Variants in COLEC11 observed in about 807,000 individuals in gnomAD.
COLEC11 encodes the protein collectin-11.
COLEC11 carries 20 observed loss-of-function variants against 27.3 expected under a neutral mutation model. The observed-to-expected ratio is 0.73, with a 90% CI of 0.51 to 1.06. COLEC11 has a LOEUF of 1.06. COLEC11 is among the 50% of genes least tolerant of loss of function. COLEC11 has a pLI of 0.00. For synonymous variants in COLEC11, 163 were observed against 154.7 expected (o/e 1.05, Z -0.40); for missense variants, 310 against 383.0 (o/e 0.81, Z 1.59).
chr2:3,604,515 G>A, intron 2 of COLEC11, 45 bp downstream of exon 2: 1 of 1,606,626 alleles, frequency 6.2e-7, no homozygotes, highest in Non-Finnish European at 8.5e-7. Flanking sequence ...TGGCCTCCGG[G>A]CCAGCTGAGA....
At chr2:3,619,155 C>T (rs1663996565) in intron 3 of COLEC11, among the ~76,000 whole-genome samples, 1 of 152,032 alleles carries the variant, frequency 6.6e-6, no homozygotes, top group Non-Finnish European at 1.5e-5. Context: ...GGATCCCTCC[C>T]TCCTTCTTTC....
intron 3 of COLEC11, among the ~76,000 whole-genome samples, chr2:3,636,231 T>C (rs1213342056): frequency 1.3e-5 from 2 of 152,186 alleles, no homozygotes; most frequent in Admixed American, 6.5e-5. Context: ...CCGAGGTGGA[T>C]GGATCACGCA....
At chr2:3,606,532 GC>G (rs1662715216) in intron 2 of COLEC11, among the ~76,000 whole-genome samples, 1 of 152,202 alleles carries the variant, frequency 6.6e-6, no homozygotes, top group East Asian at 1.9e-4. Flanking sequence ...CCAGCTTGGG[GC>G]TCTGTGGGGA....
chr2:3,610,819 T>G (rs1424802602), intron 2 of COLEC11, among the ~76,000 whole-genome samples: 1 of 152,238 alleles, frequency 6.6e-6, no homozygotes, highest in African/African-American at 2.4e-5. Flanking sequence ...ATGGCTCCTT[T>G]GTTGAGGTTA....
rs761561026 is a variant in COLEC11, at chr2:3,637,516, C to T, written c.203-17C>T. The T allele has an allele frequency of 6.2e-7, 1 of 1,613,068 alleles. No individual in the cohort carries two copies. The highest frequency in any genetic ancestry group is 8.5e-7 in the Non-Finnish European group (1 of 1,179,060). On this transcript the variant is annotated splice_polypyrimidine_tract_variant and intron_variant, in intron 3 of 6. Transcript: ENST00000349077. ...CACCTGTGCATCGACCAACTTTGCT[C>T]TTATTGTTTTCTACAGGAGACATGG...
intron 3 of COLEC11, among the ~76,000 whole-genome samples, chr2:3,631,481 TGCCCAGTGCTTG>T (rs1471981834): frequency 6.6e-6 from 1 of 152,116 alleles, no homozygotes; most frequent in African/African-American, 2.4e-5. Flanking sequence ...GGCCCAGCTG[TGCCCAGTGCTTG>T]GCCCTTCCCC....
chr2:3,603,561 C>A, intron 1 of COLEC11: 1 of 1,286,664 alleles, frequency 7.8e-7, no homozygotes, highest in Non-Finnish European at 1.1e-6. Context: ...AGGTGATCTG[C>A]CCACCTCAGC....
At chr2:3,639,237 C>T (rs934560642) in intron 4 of COLEC11, among the ~76,000 whole-genome samples, 1 of 152,212 alleles carries the variant, frequency 6.6e-6, no homozygotes, top group Non-Finnish European at 1.5e-5. Flanking sequence ...CCACCTGTTG[C>T]CTTTTGTGAA....
intron 4 of COLEC11, among the ~76,000 whole-genome samples, chr2:3,638,749 A>G (rs963380299): frequency 6.6e-6 from 1 of 152,230 alleles, no homozygotes; most frequent in Non-Finnish European, 1.5e-5. Context: ...AGTGAAGAGC[A>G]CGCAGAGAAC....
At chr2:3,615,447 G>T (rs1025787424) in intron 3 of COLEC11, among the ~76,000 whole-genome samples, 2 of 152,210 alleles carry the variant, frequency 1.3e-5, no homozygotes, top group East Asian at 1.9e-4. Context: ...AGAGAGCAGG[G>T]GGTTGGGGGT....
intron 3 of COLEC11, among the ~76,000 whole-genome samples, chr2:3,623,713 T>C (rs1664334357): frequency 6.6e-6 from 1 of 152,236 alleles, no homozygotes; most frequent in African/African-American, 2.4e-5. Context: ...ATTGTTTTTC[T>C]GATTTTGTTG....
intron 1 of COLEC11, 76 bp from the exon 2 acceptor site, chr2:3,604,239 C>T (rs1662454950): frequency 6.5e-7 from 1 of 1,550,008 alleles, no homozygotes; most frequent in Admixed American, 1.7e-5. Context: ...CACCCCTTGC[C>T]TCCGAGGCCT....
chr2:3,616,155 C>T (rs996809678), intron 3 of COLEC11, among the ~76,000 whole-genome samples: 5 of 148,848 alleles, frequency 3.4e-5, no homozygotes, highest in African/African-American at 1.3e-4. Context: ...CCTCACATCC[C>T]AGACAGGGCG....
chr2:3,604,137 C>T (rs1216151004), intron 1 of COLEC11, 178 bp from the exon 2 acceptor site: 2 of 679,722 alleles, frequency 2.9e-6, no homozygotes, highest in Non-Finnish European at 5.1e-6. Context: ...GCTGTGGAAG[C>T]TTCTCAGTGG....
chr2:3,636,993 G>A (rs767934724), intron 3 of COLEC11, among the ~76,000 whole-genome samples: 6 of 152,172 alleles, frequency 3.9e-5, no homozygotes, highest in Non-Finnish European at 7.4e-5. Context: ...AGGTCAGGTC[G>A]GGAGGCATCT....
Position 3,613,291 on chromosome 2 carries a change from G to A in COLEC11, c.131-20G>A. On this transcript the variant is annotated intron_variant, in intron 2 of 6. Transcript: ENST00000349077. ...GTGCTGGCCAGACGAGCTGCTAAAT[G>A]GATGTGACTTCTTCCACAGGGGATG... is the stretch of plus-strand genomic sequence containing the variant. 1 of 1,605,350 alleles carries A rather than the reference G, an allele frequency of 6.2e-7. No individual in the cohort carries two copies. Among genetic ancestry groups the A allele is most frequent in the Non-Finnish European group, 8.5e-7 (1 of 1,176,006 alleles).
At chr2:3,638,041 G>A (rs781081838) in intron 4 of COLEC11, among the ~76,000 whole-genome samples, 3 of 152,212 alleles carry the variant, frequency 2.0e-5, no homozygotes, top group Non-Finnish European at 4.4e-5. Context: ...GTGAGAACAG[G>A]GTGTGGGATG....
chr2:3,638,318 G>C (rs1466252467), intron 4 of COLEC11, among the ~76,000 whole-genome samples: 1 of 152,216 alleles, frequency 6.6e-6, no homozygotes, highest in Admixed American at 6.5e-5. Flanking sequence ...TCTATGCTGG[G>C]CTCTGGGGGA....
In COLEC11 at chr2:3,604,226, C is replaced by G. The variant is rs903313030; in HGVS notation, c.-26-89C>G. On this transcript the variant is annotated intron_variant, in intron 1 of 6. Transcript: ENST00000349077. ...ACAGCCCTTCCAGGCACCAGGAGGG[C>G]TACACCCCTTGCCTCCGAGGCCTGC... is the stretch of plus-strand genomic sequence containing the variant. 1.2e-5 allele frequency: 17 copies of G among 1,456,548 alleles called. No individual in the cohort carries two copies. In the Admixed American group the frequency reaches 2.7e-4, roughly 23 times the overall value. 90.2% of individuals were successfully genotyped at this position (1,456,548 alleles called of 1,614,324 possible).
Sources: gnomAD v4.1 joint callset for allele counts (sites outside exome capture counted in the v4.1 genomes callset) on GRCh38, gnomAD v4.1.1 for gene constraint, MANE v1.5 for transcripts, NCBI Gene and HGNC (gene_info 2026-07-23, HGNC 2026-07-21) for gene names.